The following ANKRD35 variants were observed in gnomAD, a reference collection of about 807,000 sequenced individuals.
ANKRD35 encodes the protein ankyrin repeat domain-containing protein 35.
ANKRD35 carries 102 observed loss-of-function variants against 109.9 expected under a neutral mutation model. The observed-to-expected ratio is 0.93, with a 90% CI of 0.79 to 1.09. The LOEUF is 1.09. Ranked by LOEUF, ANKRD35 falls within the 50% of genes least tolerant of loss-of-function variation. The pLI is 0.00. For missense variants in ANKRD35, 1,240 were observed against 1,230.1 expected, an observed-to-expected ratio of 1.01 and a Z score of -0.12; for synonymous variants, 515 against 512.4, an observed-to-expected ratio of 1.01 and a Z score of -0.07.
chr1:145,875,700 C>G (rs1487047348), intron 7 of ANKRD35, among the ~76,000 whole-genome samples: 2 of 152,164 alleles, frequency 1.3e-5, no homozygotes, highest in Non-Finnish European at 2.9e-5. Flanking sequence ...AGGCACCCAC[C>G]ACCATGCCTG....
chr1:145,870,111 G>A (rs2101701630), intron 10 of ANKRD35, among the ~76,000 whole-genome samples: 1 of 122,740 alleles, frequency 8.1e-6, no homozygotes, highest in East Asian at 2.3e-4. Flanking sequence ...TTTTTTTTGA[G>A]GCAGAATCTG....
In ANKRD35 at chr1:145,872,905, G is replaced by A; in HGVS notation, c.1864C>T (p.Leu622=). 6.2e-7 allele frequency: 1 copy of A among 1,614,016 alleles called. No homozygotes were observed. The highest frequency in any genetic ancestry group is 8.5e-7 in the Non-Finnish European group (1 of 1,179,970). Residue 622 remains leucine, a synonymous_variant, in exon 10 of 14, where the codon CTG becomes TTG. Transcript: ENST00000355594. ...TCCTCCAGCAAGTTACTGTTGCTCA[G>A]TCTCAGTACTGACATCTCCTTCTCC... ...QLEKEMSVLR[L]SNSNLLEELG... is the part of the protein sequence containing the mutation.
At chr1:145,876,335 CA>C (rs1359149842) in intron 6 of ANKRD35, 89 bp from the exon 7 acceptor site, 135 of 1,322,486 alleles carry the variant, frequency 1.0e-4, no homozygotes, top group Non-Finnish European at 1.2e-4. Flanking sequence ...CACACCTGTC[CA>C]AAAAAAATAA....
chr1:145,885,082 G>A (rs907146894), intron 1 of ANKRD35, among the ~76,000 whole-genome samples: 3 of 152,196 alleles, frequency 2.0e-5, no homozygotes, highest in African/African-American at 7.2e-5. Context: ...TGTTGTGGGA[G>A]CATCAATTGG....
Position 145,872,175 on chromosome 1 carries a change from CG to C in ANKRD35, c.2593del (p.Arg865GlyfsTer48). On this transcript the variant is annotated frameshift_variant, in exon 10 of 14. Coordinates refer to ENST00000355594, the MANE Select transcript of ANKRD35 (RefSeq NM_144698.5). LOFTEE classifies it high-confidence loss of function. ...CGCCTCCCGCAGCCGACCCACTTCC[CG>C]GCAGGCCGTATTATACTTTTCCAAC... is the stretch of plus-strand genomic sequence containing the variant. ...ALLEKYNTACREVGRLREAVA... is the reference protein window; with the variant it reads ...ALLEKYNTACXEVGRLREAVA... 1 of 1,609,352 alleles carries C rather than the reference CG, an allele frequency of 6.2e-7. No individual in the cohort carries two copies. The highest frequency in any genetic ancestry group is 1.7e-5 in the Admixed American group (1 of 59,142).
intron 7 of ANKRD35, 78 bp from the exon 8 acceptor site, chr1:145,875,084 G>A: frequency 7.0e-7 from 1 of 1,428,324 alleles, no homozygotes; most frequent in Admixed American, 2.2e-5. Flanking sequence ...TCCACTCACA[G>A]GGTAAGCTCT....
intron 1 of ANKRD35, among the ~76,000 whole-genome samples, chr1:145,881,959 T>C (rs1000798417): frequency 3.5e-5 from 5 of 144,462 alleles, no homozygotes; most frequent in Non-Finnish European, 6.1e-5. Context: ...CTTTTTTTTT[T>C]TTTTTTTTTT....
At chr1:145,880,552 T>C (rs1553740924) in intron 1 of ANKRD35, among the ~76,000 whole-genome samples, 1 of 152,186 alleles carries the variant, frequency 6.6e-6, no homozygotes, top group Non-Finnish European at 1.5e-5. Context: ...TTATAAACTG[T>C]AAAGAGCCAT....
chr1:145,876,255 A>T lies in ANKRD35; in HGVS notation c.454-9T>A, dbSNP rs1455103458. Reference sequence around the variant, plus strand: ...AGGGGTGTACGTCCATCCTGCACAGATTGTAGGAAGAGGTTCATGAGCAGC... The same window carrying T: ...AGGGGTGTACGTCCATCCTGCACAGTTTGTAGGAAGAGGTTCATGAGCAGC... On this transcript the variant is annotated splice_polypyrimidine_tract_variant and intron_variant, in intron 6 of 13. Transcript: ENST00000355594. The T allele has an allele frequency of 6.2e-7, 1 of 1,607,020 alleles. No individual in the cohort carries two copies. Among genetic ancestry groups the T allele is most frequent in the African/African-American group, 1.3e-5 (1 of 74,758 alleles).
At chr1:145,882,919 A>G (rs1180126515) in intron 1 of ANKRD35, among the ~76,000 whole-genome samples, 3 of 152,136 alleles carry the variant, frequency 2.0e-5, no homozygotes, top group Non-Finnish European at 4.4e-5. Flanking sequence ...CCTTCTCCTT[A>G]TATCTCTGGC....
intron 6 of ANKRD35, 59 bp from the exon 7 acceptor site, chr1:145,876,305 C>T (rs1654072141): frequency 6.6e-7 from 1 of 1,505,840 alleles, no homozygotes; most frequent in African/African-American, 1.4e-5. Flanking sequence ...GCTTGACAAT[C>T]CTACCGGCTC....
intron 7 of ANKRD35, 43 bp downstream of exon 7, chr1:145,876,097 G>T: frequency 6.4e-7 from 1 of 1,557,042 alleles, no homozygotes; most frequent in South Asian, 1.1e-5. Context: ...TTTCTAAATT[G>T]GTCAGGCATG....
intron 4 of ANKRD35, 104 bp downstream of exon 4, chr1:145,877,864 C>T (rs763436998): frequency 4.5e-5 from 49 of 1,098,360 alleles, no homozygotes; most frequent in African/African-American, 4.0e-4. Flanking sequence ...GGGGATGAGG[C>T]GAGTACATTT....
At chr1:145,867,654 A>C (rs1653657889) in intron 12 of ANKRD35, among the ~76,000 whole-genome samples, 1 of 152,186 alleles carries the variant, frequency 6.6e-6, no homozygotes, top group Admixed American at 6.6e-5. Context: ...CATTCTTTGT[A>C]GTTATTATTC....
At chr1:145,871,939 G>T in intron 10 of ANKRD35, 43 bp downstream of exon 10, 1 of 1,598,370 alleles carries the variant, frequency 6.3e-7, no homozygotes, top group African/African-American at 1.3e-5. Context: ...CAAATACACA[G>T]AAACTTTCCC....
At chr1:145,878,085 G>T (rs1654149775) in intron 3 of ANKRD35, 53 bp from the exon 4 acceptor site, 1 of 1,504,064 alleles carries the variant, frequency 6.6e-7, no homozygotes, top group South Asian at 1.1e-5. Context: ...GCATGCTGAT[G>T]ACTCACAGGG....
chr1:145,878,517 G>C (rs1654169535), intron 2 of ANKRD35, 38 bp from the exon 3 acceptor site: 2 of 1,531,260 alleles, frequency 1.3e-6, no homozygotes, highest in African/African-American at 1.4e-5. Context: ...AGGATAAAGG[G>C]ACCAGGGATG....
intron 10 of ANKRD35, among the ~76,000 whole-genome samples, chr1:145,871,214 AGTG>A (rs1163653218): frequency 8.4e-6 from 1 of 118,378 alleles, no homozygotes; most frequent in Non-Finnish European, 1.6e-5. Context: ...CCCAGGCTGG[AGTG>A]CAATGGTGCA....
Position 145,872,623 on chromosome 1 carries a change from T to C in ANKRD35, c.2146A>G (p.Arg716Gly), listed in dbSNP as rs1345850039. ...TCCGCTGCTTTGCTTTGTGCACTCC[T>C]CTCGCCCACTAGGTCTGCGGGCAGG... ...DCLPADLVGERSAQSKAAESL... is the reference protein window; with the variant it reads ...DCLPADLVGEGSAQSKAAESL... The change falls in exon 10 of 14, where the codon AGG (arginine) becomes GGG (glycine). Residue 716 changes from arginine (R) to glycine (G), a missense_variant. Transcript: ENST00000355594. The C allele has an allele frequency of 1.2e-6, 2 of 1,613,872 alleles. No individual in the cohort carries two copies. The highest frequency in any genetic ancestry group is 2.7e-5 in the African/African-American group (2 of 74,928).
Sources: allele counts gnomAD v4.1 joint callset (sites outside exome capture counted in the v4.1 genomes callset), GRCh38; gene constraint gnomAD v4.1.1; transcripts MANE v1.5; gene names NCBI Gene and HGNC (gene_info 2026-07-23, HGNC 2026-07-21).